Variants in NR3C2 observed in about 807,000 individuals in gnomAD.
NR3C2 encodes the protein mineralocorticoid receptor.
NR3C2 carries 15 observed loss-of-function variants against 86.4 expected under a neutral mutation model. That is an observed-to-expected ratio of 0.17 (90% CI 0.12 to 0.27). The LOEUF is 0.27. Among genes scored for constraint, NR3C2 ranks in the 10% least tolerant of loss-of-function variants. The pLI is 1.00. For missense variants in NR3C2, 960 were observed against 1,195.6 expected, an observed-to-expected ratio of 0.80 and a Z score of 2.91; for synonymous variants, 458 against 450.5, an observed-to-expected ratio of 1.02 and a Z score of -0.21.
intron 2 of NR3C2, among the ~76,000 whole-genome samples, chr4:148,280,697 G>T (rs1741190784): frequency 6.6e-6 from 1 of 152,136 alleles, no homozygotes; most frequent in Admixed American, 6.5e-5. Context: ...TAGAGATAGG[G>T]TCTCACTATG....
intron 2 of NR3C2, among the ~76,000 whole-genome samples, chr4:148,409,496 C>A (rs1185416402): frequency 1.3e-5 from 2 of 152,202 alleles, no homozygotes; most frequent in Middle Eastern, 3.4e-3. Context: ...ATAATGTTAT[C>A]TTTGTCAAAA....
rs995099561 is a variant in NR3C2 at position 148,430,432 on chromosome 4, T to A, written c.1757+4672A>T. Among the ~76,000 whole-genome samples the A allele has an allele frequency of 3.3e-5, 5 of 152,256 alleles. No individual in the cohort carries two copies. The East Asian group carries it at 9.6e-4, about 29-fold the overall frequency. On this transcript the variant is annotated intron_variant, in intron 2 of 8. Coordinates refer to ENST00000358102, the MANE Select transcript of NR3C2 (RefSeq NM_000901.5). ...TATAAAACACTTAATTTTTTTATTA[T>A]CACCACTCTTCCCAGAAATATAAGC...
At chr4:148,187,889 T>C (rs1475412104) in intron 4 of NR3C2, among the ~76,000 whole-genome samples, 1 of 152,200 alleles carries the variant, frequency 6.6e-6, no homozygotes, top group Non-Finnish European at 1.5e-5. Flanking sequence ...CTTGAGTTGA[T>C]TTTTGTATAA....
At chr4:148,168,239 C>T (rs1245289034) in intron 4 of NR3C2, among the ~76,000 whole-genome samples, 1 of 152,150 alleles carries the variant, frequency 6.6e-6, no homozygotes, top group Non-Finnish European at 1.5e-5. Flanking sequence ...CCTTGACCCT[C>T]TCTTCCTTAT....
Position 148,313,141 on chromosome 4 carries a change from AAAGG to A in NR3C2, c.1758-53028_1758-53025del, listed in dbSNP as rs377412948. On this transcript the variant is annotated intron_variant, in intron 2 of 8. Coordinates refer to ENST00000358102, the MANE Select transcript of NR3C2 (RefSeq NM_000901.5). ...GAACATGATGGATAATTTACCAGAGAAAGGAAACATCTGAGTATTTAGAAAGTCC... is the reference window on the plus strand; with the variant it reads ...GAACATGATGGATAATTTACCAGAGAAAACATCTGAGTATTTAGAAAGTCC... Among the ~76,000 whole-genome samples the A allele has an allele frequency of 1.5e-3, 234 of 152,322 alleles. 1 individual carries two copies. The highest frequency in any genetic ancestry group is 5.3e-3 in the African/African-American group (220 of 41,580).
chr4:148,199,086 A>C (rs1438616178), intron 3 of NR3C2, among the ~76,000 whole-genome samples: 1 of 151,154 alleles, frequency 6.6e-6, no homozygotes, highest in African/African-American at 2.4e-5. Flanking sequence ...ATCTCAAAAA[A>C]AAAAAAAAAA....
chr4:148,109,209 A>G (rs1224912405), intron 8 of NR3C2, among the ~76,000 whole-genome samples: 1 of 152,004 alleles, frequency 6.6e-6, no homozygotes, highest in Non-Finnish European at 1.5e-5. Context: ...CAGCTCCTCC[A>G]CTTTCTTCAC....
Position 148,435,197 on chromosome 4 carries a change from G to C in NR3C2, c.1664C>G (p.Thr555Ser). Residue 555 changes from threonine (T) to serine (S), a missense_variant, in exon 2 of 9, where the codon ACT becomes AGT. Around this residue, in one of 4 missense-constraint regions of NR3C2, gnomAD observed 680 missense variants for 719.0 expected, o/e 0.95. Coordinates refer to ENST00000358102, the MANE Select transcript of NR3C2 (RefSeq NM_000901.5). ...QHLSSFPPVN[T>S]LVESWKSHGD... is the part of the protein sequence containing the mutation. Reference sequence around the variant, plus strand: ...GTGTGATTTCCATGACTCCACTAAAGTATTGACAGGAGGAAAGGAACTCAG... The same window carrying C: ...GTGTGATTTCCATGACTCCACTAAACTATTGACAGGAGGAAAGGAACTCAG... 3.7e-6 allele frequency: 6 copies of C among 1,614,104 alleles called. No individual in the cohort carries two copies. In the Middle Eastern group the frequency reaches 4.9e-4, roughly 133 times the overall value.
chr4:148,211,716 C>T (rs1737292971), intron 3 of NR3C2, among the ~76,000 whole-genome samples: 1 of 102,982 alleles, frequency 9.7e-6, no homozygotes, highest in African/African-American at 3.9e-5. Context: ...ATACAGCTTG[C>T]AGGCCAAAAA....
At chr4:148,426,291 C>T (rs1399420110) in intron 2 of NR3C2, among the ~76,000 whole-genome samples, 7 of 152,204 alleles carry the variant, frequency 4.6e-5, no homozygotes, top group Non-Finnish European at 4.4e-5. Context: ...CAGCACCCAT[C>T]TGTCAATGGC....
intron 2 of NR3C2, among the ~76,000 whole-genome samples, chr4:148,428,621 ACTTT>A (rs1560730165): frequency 6.6e-6 from 1 of 152,170 alleles, no homozygotes. Context: ...TCTATAATAT[ACTTT>A]CTTTTTTGTA....
At chr4:148,305,616 A>G (rs1423956348) in intron 2 of NR3C2, among the ~76,000 whole-genome samples, 2 of 151,906 alleles carry the variant, frequency 1.3e-5, no homozygotes, top group African/African-American at 4.8e-5. Flanking sequence ...CTACGCTTTG[A>G]GAGAACTTCA....
chr4:148,387,682 C>T (rs186098682), intron 2 of NR3C2, among the ~76,000 whole-genome samples: 40 of 152,206 alleles, frequency 2.6e-4, no homozygotes, highest in Admixed American at 2.1e-3. Flanking sequence ...CTCATCTCAA[C>T]GCATAAAGTG....
At chr4:148,429,129 C>T (rs560932741) in intron 2 of NR3C2, among the ~76,000 whole-genome samples, 3 of 152,244 alleles carry the variant, frequency 2.0e-5, no homozygotes, top group South Asian at 2.1e-4. Context: ...ATTTTCAATG[C>T]TAAGTGTAAA....
At chr4:148,424,146 A>G (rs1470564627) in intron 2 of NR3C2, among the ~76,000 whole-genome samples, 1 of 152,264 alleles carries the variant, frequency 6.6e-6, no homozygotes, top group Admixed American at 6.5e-5. Context: ...AAGAGTAAGC[A>G]GGCATGAAAG....
intron 2 of NR3C2, among the ~76,000 whole-genome samples, chr4:148,358,459 T>G (rs1174873278): frequency 1.3e-5 from 1 of 74,308 alleles, no homozygotes; most frequent in Non-Finnish European, 2.5e-5. Context: ...TATCACACTC[T>G]GGGGGCTGTG....
intron 3 of NR3C2, among the ~76,000 whole-genome samples, chr4:148,233,954 A>G (rs541823623): frequency 2.6e-5 from 4 of 152,336 alleles, no homozygotes; most frequent in Admixed American, 2.6e-4. Context: ...ACACTTGCTC[A>G]ATGCAGGGTT....
chr4:148,278,680 T>A (rs951796013), intron 2 of NR3C2, among the ~76,000 whole-genome samples: 4 of 152,106 alleles, frequency 2.6e-5, no homozygotes, highest in Non-Finnish European at 5.9e-5. Flanking sequence ...AAAGCTCAGT[T>A]TTTATGGCTT....
At chr4:148,122,594 C>T (rs1326312928) in intron 6 of NR3C2, among the ~76,000 whole-genome samples, 10 of 152,212 alleles carry the variant, frequency 6.6e-5, no homozygotes, top group African/African-American at 2.4e-4. Flanking sequence ...TCCTCCTTCT[C>T]TTCCTTTCAT....
Sources: gnomAD v4.1 joint callset for allele counts (sites outside exome capture counted in the v4.1 genomes callset) on GRCh38, gnomAD v4.1.1 for gene constraint, gnomAD v4.1.1 regional missense constraint, MANE v1.5 for transcripts, NCBI Gene and HGNC (gene_info 2026-07-23, HGNC 2026-07-21) for gene names.